NTAN1: variants seen among roughly 807,000 people sequenced by gnomAD.
NTAN1 encodes protein N-terminal asparagine amidohydrolase.
NTAN1 carries 32 observed loss-of-function variants against 41.9 expected under a neutral mutation model. That is an observed-to-expected ratio of 0.76 (90% CI 0.58 to 1.03). The LOEUF is 1.03. Among genes scored for constraint, NTAN1 ranks in the 50% least tolerant of loss-of-function variants. The pLI is 0.00. For missense variants in NTAN1, 377 were observed against 377.5 expected (o/e 1.00, Z 0.01); for synonymous variants, 140 against 139.5 (o/e 1.00, Z -0.03).
chr16:15,050,095 G>A (rs2044238421), intron 1 of NTAN1, among the ~76,000 whole-genome samples: 1 of 152,044 alleles, frequency 6.6e-6, no homozygotes, highest in Non-Finnish European at 1.5e-5. Flanking sequence ...AAAACAAAAT[G>A]GATAAGGCAA....
intron 4 of NTAN1, among the ~76,000 whole-genome samples, chr16:15,046,407 G>C (rs1213120729): frequency 6.6e-6 from 1 of 152,154 alleles, no homozygotes; most frequent in Non-Finnish European, 1.5e-5. Flanking sequence ...TGTGAACAGT[G>C]GTCTTGACAG....
At chr16:15,041,807 A>G (rs1204450702) in intron 5 of NTAN1, 131 bp from the exon 6 acceptor site, 1 of 715,662 alleles carries the variant, frequency 1.4e-6, no homozygotes, top group African/African-American at 1.7e-5. Context: ...CCGCGCCCAC[A>G]CTGCCACAGC....
chr16:15,047,459 G>C lies in NTAN1; in HGVS notation c.342C>G (p.Asp114Glu). ...GATCTCACCTTCCACATTGAGCGTG[G>C]TCAGAAAAGGATTTTATGGAGTTCA... Reference protein sequence around the residue: ...LIMNSIKSFSDHAQCGRLEVH... With the variant: ...LIMNSIKSFSEHAQCGRLEVH... The change falls in exon 4 of 10, where the codon GAC (aspartate) becomes GAG (glutamate). Residue 114 changes from aspartate (D) to glutamate (E), a missense_variant. Asp to Glu is a conservative substitution (Grantham distance 45). Transcript: ENST00000287706. 1 of 1,608,254 alleles carries C rather than the reference G, an allele frequency of 6.2e-7. No homozygotes were observed. The highest frequency in any genetic ancestry group is 8.5e-7 in the Non-Finnish European group (1 of 1,174,948).
At chr16:15,054,347 C>T (rs1440374487) in intron 1 of NTAN1, among the ~76,000 whole-genome samples, 1 of 152,190 alleles carries the variant, frequency 6.6e-6, no homozygotes, top group African/African-American at 2.4e-5. Context: ...AGAAGCAGCC[C>T]CGGTATGTCA....
intron 5 of NTAN1, among the ~76,000 whole-genome samples, chr16:15,043,142 G>A (rs954884616): frequency 8.6e-5 from 13 of 151,722 alleles, no homozygotes; most frequent in African/African-American, 1.7e-4. Context: ...TCAAGTGATC[G>A]GCCTGCCTTG....
Position 15,037,999 on chromosome 16 carries a change from A to C in NTAN1, c.*32T>G. The stretch of plus-strand genomic sequence containing the variant: ...AGCCCCACCAATGGTCTGTCAGGCC[A>C]AGAAGGTGCTTTCTTTGGTAATTCA... On this transcript the variant is annotated 3_prime_UTR_variant, in exon 10 of 10. Transcript: ENST00000287706. 1 of 1,571,952 alleles carries C rather than the reference A, an allele frequency of 6.4e-7. No homozygotes were observed. The highest frequency in any genetic ancestry group is 8.7e-7 in the Non-Finnish European group (1 of 1,147,334).
chr16:15,055,608 G>C (rs1204919506), intron 1 of NTAN1: 2 of 305,162 alleles, frequency 6.6e-6, no homozygotes, highest in Non-Finnish European at 1.2e-5. Flanking sequence ...GGGTCCCGGC[G>C]TGTCCCCGAG....
chr16:15,041,039 C>G lies in NTAN1; in HGVS notation c.541+29G>C, dbSNP rs758903535. 70 of 1,535,670 alleles carry G rather than the reference C, an allele frequency of 4.6e-5. 1 individual carries two copies. The South Asian group carries it at 7.0e-4, about 15-fold the overall frequency. Reference sequence around the variant, plus strand: ...TTTAACTGCACATGTGACCAAGACTCCAACCCACAAAAGATGCACACTACT... The same window carrying G: ...TTTAACTGCACATGTGACCAAGACTGCAACCCACAAAAGATGCACACTACT... On this transcript the variant is annotated intron_variant, in intron 7 of 9. Coordinates refer to ENST00000287706, the MANE Select transcript of NTAN1 (RefSeq NM_173474.4).
chr16:15,046,132 A>G (rs1330722126), intron 4 of NTAN1: 1 of 152,282 alleles, frequency 6.6e-6, no homozygotes, highest in African/African-American at 2.4e-5. Context: ...TGATAGGAAA[A>G]TGAAAATACC....
At chr16:15,042,255 T>G (rs2043851270) in intron 5 of NTAN1, among the ~76,000 whole-genome samples, 1 of 150,478 alleles carries the variant, frequency 6.6e-6, no homozygotes. Flanking sequence ...GAGCGATCTC[T>G]GCTCATCGCA....
At chr16:15,048,148 G>A in intron 1 of NTAN1, 49 bp from the exon 2 acceptor site, 1 of 1,349,424 alleles carries the variant, frequency 7.4e-7, no homozygotes, top group Non-Finnish European at 1.0e-6. Flanking sequence ...TAGTGAGGAT[G>A]GAAAAACTAA....
chr16:15,056,036 GC>G lies in NTAN1; in HGVS notation c.-66del. 1.3e-6 allele frequency: 1 copy of G among 741,278 alleles called. No individual in the cohort carries two copies. The highest frequency in any genetic ancestry group is 1.7e-6 in the Non-Finnish European group (1 of 579,472). 45.9% of individuals were successfully genotyped at this position (741,278 alleles called of 1,614,324 possible). On this transcript the variant is annotated 5_prime_UTR_variant, in exon 1 of 10. Coordinates refer to ENST00000287706, the MANE Select transcript of NTAN1 (RefSeq NM_173474.4). ...GCCCCCCGCTTTGCAGCCCCGGGCC[GC>G]CCGCCGCCCCCGCCCCTCGGGCCGC... is the stretch of plus-strand genomic sequence containing the variant.
intron 1 of NTAN1, 117 bp downstream of exon 1, chr16:15,055,774 G>A (rs1416230762): frequency 7.9e-6 from 4 of 508,758 alleles, no homozygotes; most frequent in East Asian, 3.7e-5. Flanking sequence ...GACGGCCGGG[G>A]CTCCGGATGT....
intron 5 of NTAN1, among the ~76,000 whole-genome samples, chr16:15,043,623 GACA>G (rs1384001213): frequency 7.3e-6 from 1 of 136,700 alleles, no homozygotes; most frequent in Non-Finnish European, 1.6e-5. Context: ...GTCAACACAC[GACA>G]ATGTTTTCTT....
chr16:15,038,536 G>A (rs371123670), intron 9 of NTAN1, 38 bp downstream of exon 9: 3 of 1,111,380 alleles, frequency 2.7e-6, no homozygotes, highest in African/African-American at 1.6e-5. Context: ...AAACCAGGGT[G>A]CAGAGATTTA....
chr16:15,048,483 G>A (rs750975573), intron 1 of NTAN1, among the ~76,000 whole-genome samples: 8 of 151,808 alleles, frequency 5.3e-5, no homozygotes, highest in Non-Finnish European at 5.9e-5. Context: ...GCCTCCCAAA[G>A]TGCTGGGATT....
At position 15,056,071 on chromosome 16, in the gene NTAN1, C is replaced by T. The variant is rs2151741632; in HGVS notation, c.-100G>A. 2.7e-6 allele frequency: 1 copy of T among 371,192 alleles called. No individual in the cohort carries two copies. The highest frequency in any genetic ancestry group is 3.8e-6 in the Non-Finnish European group (1 of 260,068). The allele number at this position is 371,192 out of a possible 1,614,324, so 23.0% of individuals were successfully genotyped here. ...CCCGCCCCTCGGGCCGCGCGTCCCG[C>T]CTCGTCCTGCCCCGCCCCACCGCGG... is the stretch of plus-strand genomic sequence containing the variant. On this transcript the variant is annotated 5_prime_UTR_variant, in exon 1 of 10. Transcript: ENST00000287706.
Position 15,038,839 on chromosome 16 carries a change from G to A in NTAN1, c.640-152C>T, listed in dbSNP as rs541665389. On this transcript the variant is annotated intron_variant, in intron 8 of 9. Coordinates refer to ENST00000287706, the MANE Select transcript of NTAN1 (RefSeq NM_173474.4). ...CAAATAACAAAAGCTGCCAGCTACT[G>A]AACACGTCCAGTGTGTCTGCTTCTG... 21 of 581,808 alleles carry A rather than the reference G, an allele frequency of 3.6e-5. No homozygotes were observed. The Admixed American group carries it at 5.0e-4, about 14-fold the overall frequency. 36.0% of individuals were successfully genotyped at this position (581,808 alleles called of 1,614,324 possible).
At chr16:15,053,125 G>T (rs1375965007) in intron 1 of NTAN1, among the ~76,000 whole-genome samples, 1 of 152,172 alleles carries the variant, frequency 6.6e-6, no homozygotes, top group Non-Finnish European at 1.5e-5. Flanking sequence ...AATTTTAATT[G>T]ATTTTTAAGT....
Sources: gnomAD v4.1 joint callset for allele counts (sites outside exome capture counted in the v4.1 genomes callset) on GRCh38, gnomAD v4.1.1 for gene constraint, MANE v1.5 for transcripts, NCBI Gene and HGNC (gene_info 2026-07-23, HGNC 2026-07-21) for gene names.